The following ZNF175 variants were observed in gnomAD, a reference collection of about 807,000 sequenced individuals.
ZNF175 encodes zinc finger protein OTK18.
Under a neutral mutation model 14.0 loss-of-function variants are expected in ZNF175, and 8 were observed. The observed-to-expected ratio is 0.57, with a 90% CI of 0.34 to 1.03. ZNF175 has a LOEUF of 1.03. ZNF175 is among the 50% of genes least tolerant of loss of function. ZNF175 has a pLI of 0.03. For missense variants in ZNF175, 764 were observed against 849.5 expected, an observed-to-expected ratio of 0.90 and a Z score of 1.25; for synonymous variants, 255 against 296.8, an observed-to-expected ratio of 0.86 and a Z score of 1.45.
intron 2 of ZNF175, among the ~76,000 whole-genome samples, chr19:51,580,037 T>C (rs1345698323): frequency 6.6e-6 from 1 of 151,918 alleles, no homozygotes; most frequent in Non-Finnish European, 1.5e-5. Context: ...CATATAGAAA[T>C]GATAATGTTT....
chr19:51,578,132 C>T (rs1474443816), intron 2 of ZNF175, among the ~76,000 whole-genome samples: 1 of 152,012 alleles, frequency 6.6e-6, no homozygotes, highest in Non-Finnish European at 1.5e-5. Flanking sequence ...GATGCAGTGG[C>T]TCACGCCTGT....
chr19:51,588,649 A>C lies in ZNF175; in HGVS notation c.*182A>C, dbSNP rs553615622. Reference sequence around the variant, plus strand: ...GTCATGCTTTATTTTAGTGAGGGCAATTACAGAGAAAAGAGTAAGCAGAAA... The same window carrying C: ...GTCATGCTTTATTTTAGTGAGGGCACTTACAGAGAAAAGAGTAAGCAGAAA... On this transcript the variant is annotated 3_prime_UTR_variant, in exon 5 of 5. Coordinates refer to ENST00000262259, the MANE Select transcript of ZNF175 (RefSeq NM_007147.4). 8.1e-6 allele frequency: 5 copies of C among 617,266 alleles called. No individual in the cohort carries two copies. In the East Asian group the frequency reaches 1.5e-4, roughly 19 times the overall value. The allele number at this position is 617,266 out of a possible 1,614,324, so 38.2% of individuals were successfully genotyped here. A position where few individuals can be genotyped will look rare whatever the true frequency, so the allele number is the denominator to read the frequency against.
chr19:51,581,814 T>A lies in ZNF175; in HGVS notation c.227T>A (p.Ile76Asn), dbSNP rs1982013651. Residue 76 changes from isoleucine (I) to asparagine (N), a missense_variant, in exon 4 of 5, where the codon ATC (isoleucine) becomes AAC (asparagine). Transcript: ENST00000262259. ...TATCACATTCCCAACCCAGAGGTCA[T>A]CTTCAGAATGCTAAAAGAAAAGGAG... is the stretch of plus-strand genomic sequence containing the variant. ...VGYHIPNPEV[I>N]FRMLKEKEPR... The A allele has an allele frequency of 6.2e-7, 1 of 1,614,006 alleles. No individual in the cohort carries two copies. The highest frequency in any genetic ancestry group is 2.2e-5 in the East Asian group (1 of 44,888).
chr19:51,585,520 T>A (rs989095590), intron 4 of ZNF175, among the ~76,000 whole-genome samples: 2 of 152,062 alleles, frequency 1.3e-5, no homozygotes, highest in Admixed American at 6.6e-5. Context: ...TGTCCTTTTT[T>A]TAAAAAAAGA....
At chr19:51,572,302 AAGTC>A (rs768127098) in intron 1 of ZNF175, among the ~76,000 whole-genome samples, 3 of 152,162 alleles carry the variant, frequency 2.0e-5, no homozygotes, top group East Asian at 1.9e-4. Context: ...GGATTTCTGA[AAGTC>A]AGTCCTGTCA....
At position 51,588,374 on chromosome 19, in the gene ZNF175, C is replaced by T. The variant is rs1356680841; in HGVS notation, c.2043C>T (p.Asn681=). ...GTTCTGAATGTGGAAAGGCCTTCAA[C>T]AACAGGTCAAACTTCAATAAACACC... The part of the protein sequence containing the change: ...YVCSECGKAF[N]NRSNFNKHQT... The change falls in exon 5 of 5, where the codon AAC becomes AAT. Residue 681 remains asparagine (N), a synonymous_variant. Coordinates refer to ENST00000262259, the MANE Select transcript of ZNF175 (RefSeq NM_007147.4). The T allele has an allele frequency of 6.2e-7, 1 of 1,613,092 alleles. No homozygotes were observed. The highest frequency in any genetic ancestry group is 1.7e-5 in the Admixed American group (1 of 59,786).
rs1299176096 is a variant in ZNF175 at position 51,588,235 on chromosome 19, G to T, written c.1904G>T (p.Arg635Ile). ...VQKSELITHQ[R>I]THMGEKPYEC... Reference sequence around the variant, plus strand: ...AAATCAGAGTTGATTACCCATCAAAGAACTCACATGGGAGAGAAACCCTAT... The same window carrying T: ...AAATCAGAGTTGATTACCCATCAAATAACTCACATGGGAGAGAAACCCTAT... Residue 635 changes from arginine (R) to isoleucine (I), a missense_variant, in exon 5 of 5, where the codon AGA (arginine) becomes ATA (isoleucine). Physicochemically the swap from Arg to Ile is moderately conservative, Grantham distance 97. Coordinates refer to ENST00000262259, the MANE Select transcript of ZNF175 (RefSeq NM_007147.4). The T allele has an allele frequency of 1.2e-6, 2 of 1,614,044 alleles. No homozygotes were observed. The highest frequency in any genetic ancestry group is 3.3e-4 in the Middle Eastern group (2 of 6,060).
intron 2 of ZNF175, among the ~76,000 whole-genome samples, chr19:51,575,902 C>T (rs1391350323): frequency 6.6e-6 from 1 of 152,230 alleles, no homozygotes; most frequent in African/African-American, 2.4e-5. Context: ...TCAGGTCAAT[C>T]TTCCTTGTTT....
chr19:51,587,239 T>G lies in ZNF175; in HGVS notation c.908T>G (p.Val303Gly). The G allele has an allele frequency of 6.2e-7, 1 of 1,614,158 alleles. No individual in the cohort carries two copies. The highest frequency in any genetic ancestry group is 1.1e-5 in the South Asian group (1 of 91,088). ...TTTGCCCAACAGAGAATTCATAGTG[T>G]AGGAAACCTCCATGAATGTGGCAAA... ...HLFAQQRIHS[V>G]GNLHECGKCG... Residue 303 changes from valine to glycine, a missense_variant, in exon 5 of 5, where the codon GTA becomes GGA. Val to Gly is a moderately radical substitution (Grantham distance 109). Coordinates refer to ENST00000262259, the MANE Select transcript of ZNF175 (RefSeq NM_007147.4).
chr19:51,587,069 TACAGGAGAG>T lies in ZNF175; in HGVS notation c.742_750del (p.Gly248_Thr250del), dbSNP rs751280905. 1 of 1,614,190 alleles carries T rather than the reference TACAGGAGAG, an allele frequency of 6.2e-7. No homozygotes were observed. Among genetic ancestry groups the T allele is most frequent in the Non-Finnish European group, 8.5e-7 (1 of 1,180,012 alleles). On this transcript the variant is annotated inframe_deletion, in exon 5 of 5. Transcript: ENST00000262259. ...CTGATGCCTGCAGCAAGAATATTCA[TACAGGAGAG>T]ACATTTTGCAAAGGTAACCAGTGTA...
Position 51,592,176 on chromosome 19 carries a change from G to A in ZNF175, c.*3709G>A. ...CCAGTACTTGATCCATCCTTTGACT[G>A]TTGTGGCGATTGGCACAAAGGTTGG... On this transcript the variant is annotated 3_prime_UTR_variant, in exon 5 of 5. Coordinates refer to ENST00000262259, the MANE Select transcript of ZNF175 (RefSeq NM_007147.4). 6.0e-6 allele frequency: 1 copy of A among 167,110 alleles called. No homozygotes were observed. The highest frequency in any genetic ancestry group is 1.3e-5 in the Non-Finnish European group (1 of 77,864). The allele number at this position is 167,110 out of a possible 1,614,324, so 10.4% of individuals were successfully genotyped here.
chr19:51,576,718 G>T (rs1215234716), intron 2 of ZNF175, among the ~76,000 whole-genome samples: 2 of 152,150 alleles, frequency 1.3e-5, no homozygotes, highest in East Asian at 3.8e-4. Context: ...TCTTCTCATG[G>T]TGCTGTGTTC....
intron 4 of ZNF175, 61 bp downstream of exon 4, chr19:51,581,943 C>T: frequency 6.7e-7 from 1 of 1,492,256 alleles, no homozygotes; most frequent in Non-Finnish European, 9.2e-7. Flanking sequence ...ACCAGTCTAC[C>T]ATACTTTTCT....
chr19:51,575,726 C>A (rs1034847500), intron 2 of ZNF175, among the ~76,000 whole-genome samples: 1 of 152,152 alleles, frequency 6.6e-6, no homozygotes, highest in Non-Finnish European at 1.5e-5. Context: ...ACCTCCTAAT[C>A]TTTTAGTGAC....
intron 2 of ZNF175, among the ~76,000 whole-genome samples, chr19:51,576,420 G>C (rs1981791577): frequency 6.6e-6 from 1 of 152,144 alleles, no homozygotes; most frequent in South Asian, 2.1e-4. Flanking sequence ...AAAGTGCTGG[G>C]ATTACAGGCA....
intron 1 of ZNF175, among the ~76,000 whole-genome samples, chr19:51,571,937 G>T (rs1253703465): frequency 6.6e-6 from 1 of 152,194 alleles, no homozygotes; most frequent in South Asian, 2.1e-4. Flanking sequence ...GACTGGAGGC[G>T]TAGGGGGTCA....
intron 2 of ZNF175, among the ~76,000 whole-genome samples, chr19:51,579,412 T>C (rs2122566534): frequency 6.6e-6 from 1 of 152,252 alleles, no homozygotes; most frequent in East Asian, 1.9e-4. Context: ...CAGAGTGAGA[T>C]TCTATCTCCC....
rs1009083056 is a variant in ZNF175 at position 51,591,311 on chromosome 19, T to C, written c.*2844T>C. 2 of 152,316 alleles carry C rather than the reference T, an allele frequency of 1.3e-5. No individual in the cohort carries two copies. Among genetic ancestry groups the C allele is most frequent in the African/African-American group, 4.8e-5 (2 of 41,440 alleles). 9.4% of individuals were successfully genotyped at this position (152,316 alleles called of 1,614,324 possible). ...CTGGGACAAGCCAGTCTGTACTCAA[T>C]GCCTGTGGGATAATAGACGGAGGAA... On this transcript the variant is annotated 3_prime_UTR_variant, in exon 5 of 5. Coordinates refer to ENST00000262259, the MANE Select transcript of ZNF175 (RefSeq NM_007147.4).
chr19:51,572,180 C>T (rs1236964546), intron 1 of ZNF175, among the ~76,000 whole-genome samples: 2 of 152,134 alleles, frequency 1.3e-5, no homozygotes, highest in Non-Finnish European at 2.9e-5. Context: ...ATTGTGCTCG[C>T]TGGGAAACAT....
Sources: allele counts gnomAD v4.1 joint callset (sites outside exome capture counted in the v4.1 genomes callset), GRCh38; gene constraint gnomAD v4.1.1; transcripts MANE v1.5; gene names NCBI Gene and HGNC (gene_info 2026-07-23, HGNC 2026-07-21).